Variants in BANP observed in about 807,000 individuals in gnomAD.
BANP encodes protein BANP.
BANP carries 11 observed loss-of-function variants against 68.1 expected under a neutral mutation model. The observed-to-expected ratio is 0.16, with a 90% CI of 0.10 to 0.27. The LOEUF is 0.27. BANP is among the 10% of genes least tolerant of loss of function. BANP has a pLI of 1.00. For synonymous variants in BANP, 329 were observed against 303.2 expected (o/e 1.09, Z -0.88); for missense variants, 504 against 722.7 (o/e 0.70, Z 3.47).
chr16:88,003,259 A>G lies in BANP; in HGVS notation c.363-1036A>G, dbSNP rs987733320. On this transcript the variant is annotated intron_variant, in intron 4 of 13. Transcript: ENST00000682872. This position sits in a 1 kb window ranked among gnomAD's most constrained non-coding sequence, Gnocchi z 6.1. ...GAGTTGATTATGCCTTTATTTTAGG[A>G]GAAAACCTGGTGGTCCTGTGATTTA... 2.6e-5 allele frequency among the ~76,000 whole-genome samples: 4 copies of G among 152,244 alleles called. No individual in the cohort carries two copies. Among genetic ancestry groups the G allele is most frequent in the African/African-American group, 9.6e-5 (4 of 41,470 alleles).
intron 8 of BANP, among the ~76,000 whole-genome samples, chr16:88,027,934 G>A (rs1420114811): frequency 2.6e-5 from 4 of 152,266 alleles, no homozygotes; most frequent in Admixed American, 2.6e-4. Context: ...AGGAGGCCGA[G>A]GCCTTTGCGT....
chr16:88,027,797 G>C lies in BANP; in HGVS notation c.1063+147G>C, dbSNP rs2077290292. The C allele has an allele frequency of 1.1e-5, 11 of 982,892 alleles. No individual in the cohort carries two copies. The South Asian group carries it at 1.8e-4, about 16-fold the overall frequency. 60.9% of individuals were successfully genotyped at this position (982,892 alleles called of 1,614,324 possible). A position where few individuals can be genotyped will look rare whatever the true frequency, so the allele number is the denominator to read the frequency against. On this transcript the variant is annotated intron_variant, in intron 8 of 13. Coordinates refer to ENST00000682872, the MANE Select transcript of BANP (RefSeq NM_001386991.1). ...AGGCTTGCGCGGTGCGCACGGAGCA[G>C]TGGAGCCGCAGGACCTGTGCCTGGC... is the stretch of plus-strand genomic sequence containing the variant.
intron 12 of BANP, among the ~76,000 whole-genome samples, chr16:88,066,573 G>T (rs562850971): frequency 3.3e-5 from 5 of 152,188 alleles, no homozygotes; most frequent in African/African-American, 1.2e-4. Flanking sequence ...TTTATTTTCA[G>T]CTGAGCTGTG....
At chr16:87,981,190 A>G in intron 3 of BANP, 63 bp downstream of exon 3, 1 of 1,210,382 alleles carries the variant, frequency 8.3e-7, no homozygotes. Context: ...CTGCTATAAC[A>G]AATCACCATC....
At chr16:88,035,034 G>A (rs1321089955) in intron 9 of BANP, 3 of 362,990 alleles carry the variant, frequency 8.3e-6, no homozygotes, top group Non-Finnish European at 1.5e-5. Context: ...TGGCACATAT[G>A]GGCGGGAAAA....
chr16:88,013,462 G>A (rs1421134583), intron 6 of BANP, among the ~76,000 whole-genome samples: 1 of 152,130 alleles, frequency 6.6e-6, no homozygotes, highest in Non-Finnish European at 1.5e-5. Flanking sequence ...CCTCAGTGCA[G>A]TGTGAGGTGG....
At chr16:88,074,449 G>T (rs1049324109) in intron 13 of BANP, among the ~76,000 whole-genome samples, 1 of 152,108 alleles carries the variant, frequency 6.6e-6, no homozygotes. Context: ...GGTGCCATTT[G>T]CAGGGGAAGA....
chr16:88,045,676 A>ACCCTGACCACAGCACCT (rs2081856703), intron 11 of BANP, among the ~76,000 whole-genome samples: 1 of 151,588 alleles, frequency 6.6e-6, no homozygotes, highest in Non-Finnish European at 1.5e-5. Context: ...GTGTGGTGCC[A>ACCCTGACCACAGCACCT]CCCTGACCAC....
At chr16:88,006,617 C>T (rs2071224566) in intron 6 of BANP, among the ~76,000 whole-genome samples, 1 of 146,302 alleles carries the variant, frequency 6.8e-6, no homozygotes, top group Non-Finnish European at 1.5e-5. Context: ...TTGCATCCAG[C>T]CTGGGCAATA....
chr16:87,984,503 C>T (rs1463915632), intron 4 of BANP, among the ~76,000 whole-genome samples: 3 of 152,210 alleles, frequency 2.0e-5, no homozygotes, highest in Admixed American at 6.5e-5. Flanking sequence ...ACCCATGCAC[C>T]TTTTCTTTGG....
At chr16:87,976,911 C>T (rs2062256644) in intron 2 of BANP, among the ~76,000 whole-genome samples, 1 of 152,194 alleles carries the variant, frequency 6.6e-6, no homozygotes, top group African/African-American at 2.4e-5. Context: ...AAACATAACA[C>T]TGTAATCTTG....
intron 4 of BANP, among the ~76,000 whole-genome samples, chr16:87,986,925 G>T (rs1045735154): frequency 1.3e-5 from 2 of 151,658 alleles, no homozygotes; most frequent in African/African-American, 4.9e-5. Flanking sequence ...ATCAGCATGG[G>T]GATTATTAAT....
At chr16:88,050,094 A>T (rs752746042) in intron 11 of BANP, among the ~76,000 whole-genome samples, 2 of 152,144 alleles carry the variant, frequency 1.3e-5, no homozygotes, top group Non-Finnish European at 2.9e-5. Context: ...CTTATTCCTG[A>T]TGTGTCAGTG....
rs1346099890 is a variant in BANP at position 88,076,703 on chromosome 16, A to G, written c.*42A>G. 5.8e-6 allele frequency: 9 copies of G among 1,555,736 alleles called. No individual in the cohort carries two copies. The highest frequency in any genetic ancestry group is 4.5e-5 in the East Asian group (2 of 43,978). On this transcript the variant is annotated 3_prime_UTR_variant, in exon 14 of 14. Transcript: ENST00000682872. ...CAGGAGCCCCTCGCCGGCTCCGCCT[A>G]CGGCCCGGCCCCCACGCGCCCTGCT...
At chr16:88,066,150 G>A (rs532688841) in intron 12 of BANP, among the ~76,000 whole-genome samples, 3 of 152,306 alleles carry the variant, frequency 2.0e-5, no homozygotes, top group East Asian at 1.9e-4. Context: ...TTAGAGCACC[G>A]AGGGCTCCAA....
chr16:88,059,996 G>A (rs908633449), intron 11 of BANP, among the ~76,000 whole-genome samples: 1 of 152,254 alleles, frequency 6.6e-6, no homozygotes, highest in African/African-American at 2.4e-5. Context: ...CGTGTAGTGT[G>A]TGGTGAGACT....
chr16:87,959,579 C>T (rs8060758), intron 1 of BANP, among the ~76,000 whole-genome samples: 7 of 152,238 alleles, frequency 4.6e-5, no homozygotes, highest in African/African-American at 1.7e-4. Context: ...ACAGCGCTGG[C>T]GTCAGCCACA....
chr16:87,964,959 G>A (rs1254101301), intron 1 of BANP, among the ~76,000 whole-genome samples: 1 of 152,224 alleles, frequency 6.6e-6, no homozygotes, highest in African/African-American at 2.4e-5. Flanking sequence ...GAGACACCTA[G>A]TAGGTGGTGT....
At chr16:88,045,100 A>T (rs954717688) in intron 11 of BANP, among the ~76,000 whole-genome samples, 12 of 152,242 alleles carry the variant, frequency 7.9e-5, no homozygotes, top group African/African-American at 2.7e-4. Context: ...AAAAAATCAC[A>T]TTCAATCTAA....
Sources: gnomAD v4.1 joint callset for allele counts (sites outside exome capture counted in the v4.1 genomes callset) on GRCh38, gnomAD v4.1.1 for gene constraint, Gnocchi (gnomAD v3.1) non-coding constraint, MANE v1.5 for transcripts, NCBI Gene and HGNC (gene_info 2026-07-23, HGNC 2026-07-21) for gene names.